FHIT: variants seen among roughly 807,000 people sequenced by gnomAD.
The protein encoded by FHIT is fragile histidine triad diadenosine triphosphatase.
Under a neutral mutation model 17.9 loss-of-function variants are expected in FHIT, and 19 were observed. The ratio of observed to expected loss-of-function variants is 1.06; its 90% CI spans 0.74 to 1.56. FHIT has a LOEUF of 1.56. Among genes scored for constraint, FHIT ranks in the 40% most tolerant of loss-of-function variants. The probability of loss-of-function intolerance (pLI) is 0.00; values close to 1 mark genes in which losing one functional copy is unlikely to be tolerated. For synonymous variants in FHIT, 81 were observed against 69.7 expected, an observed-to-expected ratio of 1.16 and a Z score of -0.81; for missense variants, 248 against 189.2, an observed-to-expected ratio of 1.31 and a Z score of -1.82.
chr3:60,419,210 C>T (rs1019455473), intron 5 of FHIT, among the ~76,000 whole-genome samples: 2 of 152,206 alleles, frequency 1.3e-5, no homozygotes, highest in Admixed American at 6.5e-5. Flanking sequence ...CTCATTTGCA[C>T]AACAGTGCCC....
chr3:59,959,365 C>T (rs1426532584), intron 7 of FHIT, among the ~76,000 whole-genome samples: 1 of 152,182 alleles, frequency 6.6e-6, no homozygotes, highest in Non-Finnish European at 1.5e-5. Context: ...CCCTATGAGA[C>T]ATGATTGCCT....
intron 3 of FHIT, among the ~76,000 whole-genome samples, chr3:60,925,161 C>A (rs1553769510): frequency 6.6e-6 from 1 of 152,136 alleles, no homozygotes; most frequent in Non-Finnish European, 1.5e-5. Flanking sequence ...GAGAACTTCC[C>A]CAATCTAGCA....
chr3:60,500,641 T>G (rs1386158666), intron 5 of FHIT, among the ~76,000 whole-genome samples: 1 of 151,684 alleles, frequency 6.6e-6, no homozygotes, highest in Non-Finnish European at 1.5e-5. Flanking sequence ...GGTGTGGTGG[T>G]GCACCCCTGT....
At chr3:61,074,908 C>A (rs926673376) in intron 2 of FHIT, among the ~76,000 whole-genome samples, 2 of 152,246 alleles carry the variant, frequency 1.3e-5, no homozygotes, top group Non-Finnish European at 2.9e-5. Flanking sequence ...AGTGTGTGAA[C>A]CTTTGTGAAA....
intron 3 of FHIT, among the ~76,000 whole-genome samples, chr3:60,974,589 A>G (rs1248243891): frequency 6.6e-6 from 1 of 152,202 alleles, no homozygotes; most frequent in African/African-American, 2.4e-5. Flanking sequence ...CCAGTTTATT[A>G]GGACTGGGTT....
chr3:60,984,186 G>A (rs968381598), intron 3 of FHIT, among the ~76,000 whole-genome samples: 1 of 152,144 alleles, frequency 6.6e-6, no homozygotes, highest in African/African-American at 2.4e-5. Context: ...TCATCATTCT[G>A]TATTTGATGA....
At chr3:61,220,916 A>G (rs1406124834) in intron 1 of FHIT, among the ~76,000 whole-genome samples, 2 of 152,224 alleles carry the variant, frequency 1.3e-5, no homozygotes, top group Non-Finnish European at 2.9e-5. Context: ...ACAACACGAC[A>G]TGCCCTTGCC....
chr3:60,588,926 G>A (rs994927755), intron 4 of FHIT, among the ~76,000 whole-genome samples: 4 of 151,998 alleles, frequency 2.6e-5, no homozygotes, highest in Non-Finnish European at 5.9e-5. Context: ...TTTAGCTCCA[G>A]GAAAAATTGG....
chr3:60,826,742 T>G (rs1278728262), intron 3 of FHIT, among the ~76,000 whole-genome samples: 1 of 152,146 alleles, frequency 6.6e-6, no homozygotes, highest in Non-Finnish European at 1.5e-5. Flanking sequence ...TGGTCTTCAC[T>G]GCATCCCCAC....
intron 4 of FHIT, among the ~76,000 whole-genome samples, chr3:60,756,557 A>T (rs1699424276): frequency 6.6e-6 from 1 of 152,210 alleles, no homozygotes; most frequent in South Asian, 2.1e-4. Context: ...ATGAGATTCA[A>T]AGACTAATAA....
intron 5 of FHIT, among the ~76,000 whole-genome samples, chr3:60,289,800 G>C (rs1007607330): frequency 2.1e-5 from 3 of 145,396 alleles, no homozygotes; most frequent in African/African-American, 7.7e-5. Context: ...AGGAATGAGA[G>C]TGTAGCTGCT....
At chr3:61,048,576 C>T (rs1223683769) in intron 2 of FHIT, among the ~76,000 whole-genome samples, 1 of 152,180 alleles carries the variant, frequency 6.6e-6, no homozygotes, top group Non-Finnish European at 1.5e-5. Flanking sequence ...GTGGCAATTC[C>T]TCAAGGATCT....
At chr3:60,156,548 A>T (rs1223277986) in intron 5 of FHIT, among the ~76,000 whole-genome samples, 1 of 152,048 alleles carries the variant, frequency 6.6e-6, no homozygotes, top group East Asian at 1.9e-4. Flanking sequence ...CAGGAGTTCA[A>T]GAACAACCTA....
At chr3:60,131,028 C>CACACA (rs1699561978) in intron 5 of FHIT, among the ~76,000 whole-genome samples, 1 of 111,712 alleles carries the variant, frequency 9.0e-6, no homozygotes, top group African/African-American at 3.3e-5. Flanking sequence ...CACATATATA[C>CACACA]ATATGTGTAT....
intron 8 of FHIT, among the ~76,000 whole-genome samples, chr3:59,807,934 C>T (rs143828602): frequency 6.6e-6 from 1 of 152,262 alleles, no homozygotes; most frequent in East Asian, 1.9e-4. Flanking sequence ...ACACACATAA[C>T]GTAAAATCCA....
At chr3:59,962,044 T>C (rs1707711973) in intron 7 of FHIT, among the ~76,000 whole-genome samples, 1 of 152,222 alleles carries the variant, frequency 6.6e-6, no homozygotes, top group Non-Finnish European at 1.5e-5. Context: ...AGAATCATTC[T>C]AGAAAACAAT....
chr3:59,830,677 T>C (rs1701133161), intron 8 of FHIT, among the ~76,000 whole-genome samples: 1 of 152,204 alleles, frequency 6.6e-6, no homozygotes, highest in Non-Finnish European at 1.5e-5. Flanking sequence ...TCTGCAGACA[T>C]AAATTCCCTC....
intron 5 of FHIT, among the ~76,000 whole-genome samples, chr3:60,091,261 A>G (rs1184307154): frequency 6.6e-6 from 1 of 152,216 alleles, no homozygotes; most frequent in Non-Finnish European, 1.5e-5. Flanking sequence ...GCAAGGACAT[A>G]TGAGTTTGTT....
At chr3:60,704,239 T>A (rs373354641) in intron 4 of FHIT, among the ~76,000 whole-genome samples, 1 of 152,194 alleles carries the variant, frequency 6.6e-6, no homozygotes, top group South Asian at 2.1e-4. Flanking sequence ...GAAACCTAGA[T>A]GGTTTGTCTT....
Sources: allele counts gnomAD v4.1 joint callset (sites outside exome capture counted in the v4.1 genomes callset), GRCh38; gene constraint gnomAD v4.1.1; transcripts MANE v1.5; gene names NCBI Gene and HGNC (gene_info 2026-07-23, HGNC 2026-07-21).